The following CLASP2 variants were observed in gnomAD, a reference collection of about 807,000 sequenced individuals.
The protein encoded by CLASP2 is CLIP-associating protein 2.
CLASP2 carries 47 observed loss-of-function variants against 194.4 expected under a neutral mutation model. The ratio of observed to expected loss-of-function variants is 0.24; its 90% CI spans 0.19 to 0.31. The LOEUF is 0.31. Ranked by LOEUF, CLASP2 falls within the 10% of genes least tolerant of loss-of-function variation. The pLI is 1.00. For synonymous variants in CLASP2, 619 were observed against 633.5 expected (o/e 0.98, Z 0.34); for missense variants, 1,445 against 1,823.6 (o/e 0.79, Z 3.78).
Position 33,501,961 on chromosome 3 carries a change from C to T in CLASP2, c.4318-193G>A, listed in dbSNP as rs963336391. The stretch of plus-strand genomic sequence containing the variant: ...TTCTCTCCCTTCACTTCCCCTACTG[C>T]GCCCTCACTGTTAGCCCTCTATATC... On this transcript the variant is annotated intron_variant, in intron 37 of 38. Transcript: ENST00000682230. 30 of 533,942 alleles carry T rather than the reference C, an allele frequency of 5.6e-5. No individual in the cohort carries two copies. The Middle Eastern group carries it at 3.4e-3, about 61-fold the overall frequency. The allele number at this position is 533,942 out of a possible 1,614,324, so 33.1% of individuals were successfully genotyped here.
In CLASP2 at chr3:33,603,099, A is replaced by C; in HGVS notation, c.1777T>G (p.Ser593Ala). 1 of 1,586,110 alleles carries C rather than the reference A, an allele frequency of 6.3e-7. No individual in the cohort carries two copies. The highest frequency in any genetic ancestry group is 1.1e-5 in the South Asian group (1 of 87,370). The part of the protein sequence containing the change: ...RVSAGSSKAS[S>A]LPGSLQRSRS... ...GAACGCTGCAGGCTTCCTGGAAGGG[A>C]ACTGGCTTTGCTGCTGCCTGCTGAT... Residue 593 changes from serine to alanine, a missense_variant, in exon 18 of 39, where the codon TCC becomes GCC. By Grantham distance (99) the Ser-to-Ala change is moderately conservative. This residue lies in a region of CLASP2 where 174 missense variants were observed against 179.0 expected (regional missense o/e 0.97). Transcript: ENST00000682230.
intron 12 of CLASP2, among the ~76,000 whole-genome samples, chr3:33,614,728 G>A (rs770674319): frequency 1.1e-4 from 17 of 152,244 alleles, no homozygotes; most frequent in South Asian, 2.1e-4. Flanking sequence ...CAAGGCAGGC[G>A]GATCGCCTCA....
chr3:33,650,242 G>C (rs2082954176), intron 7 of CLASP2, among the ~76,000 whole-genome samples: 1 of 152,190 alleles, frequency 6.6e-6, no homozygotes, highest in African/African-American at 2.4e-5. Context: ...CATAACAGTA[G>C]CTTAGACACA....
At chr3:33,651,615 G>C (rs72858341) in intron 7 of CLASP2, among the ~76,000 whole-genome samples, 14,432 of 148,952 alleles carry the variant, frequency 0.097, 772 homozygotes, top group Non-Finnish European at 0.12. Flanking sequence ...CTCACTTCGG[G>C]AAAGACATGT....
At chr3:33,710,257 C>T (rs1458716287) in intron 1 of CLASP2, among the ~76,000 whole-genome samples, 1 of 152,154 alleles carries the variant, frequency 6.6e-6, no homozygotes, top group Non-Finnish European at 1.5e-5. Flanking sequence ...TTAGCCAATA[C>T]ACCAAAACCA....
intron 2 of CLASP2, among the ~76,000 whole-genome samples, chr3:33,695,428 A>G (rs2091788772): frequency 6.6e-6 from 1 of 151,954 alleles, no homozygotes; most frequent in South Asian, 2.1e-4. Context: ...AAATATTAAC[A>G]CAAAGGATGA....
chr3:33,713,010 C>T (rs1372817991), intron 1 of CLASP2, among the ~76,000 whole-genome samples: 1 of 79,356 alleles, frequency 1.3e-5, no homozygotes, highest in Non-Finnish European at 2.3e-5. Context: ...AAAACTCCAC[C>T]TCAAAAAAAA....
At chr3:33,542,961 C>T (rs997864361) in intron 32 of CLASP2, among the ~76,000 whole-genome samples, 2 of 152,126 alleles carry the variant, frequency 1.3e-5, no homozygotes, top group Non-Finnish European at 2.9e-5. Flanking sequence ...TATATATTAT[C>T]ATTTAAGTAG....
chr3:33,684,089 C>A (rs2090263196), intron 6 of CLASP2, among the ~76,000 whole-genome samples: 1 of 151,008 alleles, frequency 6.6e-6, no homozygotes, highest in South Asian at 2.1e-4. Flanking sequence ...ACTAAAAATA[C>A]AAAAAATTAG....
chr3:33,566,947 G>C (rs560763622), intron 26 of CLASP2, among the ~76,000 whole-genome samples: 2 of 152,274 alleles, frequency 1.3e-5, no homozygotes, highest in African/African-American at 4.8e-5. Context: ...AAGAACATAT[G>C]ATTTTGTTTC....
chr3:33,665,187 A>G (rs955283878), intron 6 of CLASP2, among the ~76,000 whole-genome samples: 4 of 152,156 alleles, frequency 2.6e-5, no homozygotes, highest in African/African-American at 9.7e-5. Flanking sequence ...GGGGCATAAC[A>G]TTTGGCTATA....
intron 12 of CLASP2, among the ~76,000 whole-genome samples, chr3:33,618,017 C>T (rs944295037): frequency 2.0e-5 from 3 of 149,134 alleles, no homozygotes; most frequent in Admixed American, 6.7e-5. Context: ...GGTGCAATCT[C>T]GGCTCACAAC....
chr3:33,666,216 T>C (rs1422916244), intron 6 of CLASP2, among the ~76,000 whole-genome samples: 1 of 152,234 alleles, frequency 6.6e-6, no homozygotes, highest in African/African-American at 2.4e-5. Flanking sequence ...TAGAATTCAA[T>C]ACCATACAAT....
At chr3:33,558,115 G>A (rs2061265511) in intron 29 of CLASP2, among the ~76,000 whole-genome samples, 1 of 152,176 alleles carries the variant, frequency 6.6e-6, no homozygotes, top group Admixed American at 6.5e-5. Context: ...GATTTACTGA[G>A]CACGAGATGA....
At chr3:33,585,515 T>C (rs959483753) in intron 21 of CLASP2, among the ~76,000 whole-genome samples, 3 of 152,230 alleles carry the variant, frequency 2.0e-5, no homozygotes, top group African/African-American at 7.2e-5. Context: ...TGGTAAATAT[T>C]TGTGTATCTA....
intron 2 of CLASP2, among the ~76,000 whole-genome samples, chr3:33,690,788 C>T (rs1467096259): frequency 1.3e-5 from 2 of 152,196 alleles, no homozygotes; most frequent in Non-Finnish European, 2.9e-5. Flanking sequence ...AACATACCCG[C>T]ACTGTTCATG....
intron 21 of CLASP2, among the ~76,000 whole-genome samples, chr3:33,587,763 TA>T (rs2067743706): frequency 6.6e-6 from 1 of 152,212 alleles, no homozygotes; most frequent in African/African-American, 2.4e-5. Context: ...ATGCAGTGTC[TA>T]AACTGAACAT....
intron 23 of CLASP2, chr3:33,577,206 G>A (rs1430083405): frequency 1.3e-6 from 2 of 1,595,720 alleles, no homozygotes; most frequent in Non-Finnish European, 8.5e-7. Flanking sequence ...CTTCACCTGA[G>A]GCCCCATACA....
At chr3:33,568,670 G>A (rs1327892770) in intron 26 of CLASP2, among the ~76,000 whole-genome samples, 3 of 151,536 alleles carry the variant, frequency 2.0e-5, no homozygotes, top group African/African-American at 7.3e-5. Flanking sequence ...GCCTGTTAAG[G>A]GTGCCTTCAT....
Sources: allele counts gnomAD v4.1 joint callset (sites outside exome capture counted in the v4.1 genomes callset), GRCh38; gene constraint gnomAD v4.1.1; regional missense constraint gnomAD v4.1.1; transcripts MANE v1.5; gene names NCBI Gene and HGNC (gene_info 2026-07-23, HGNC 2026-07-21).